Variants in GAREM1 observed in about 807,000 individuals in gnomAD.
The protein encoded by GAREM1 is GRB2 associated regulator of MAPK1 subtype 1.
In GAREM1, 26 loss-of-function variants were observed where a neutral mutation model predicts 71.3. That is an observed-to-expected ratio of 0.36 (90% CI 0.27 to 0.51). GAREM1 has a LOEUF of 0.51. GAREM1 is among the 20% of genes least tolerant of loss of function. The pLI is 0.95. For synonymous variants in GAREM1, 440 were observed against 433.2 expected (o/e 1.02, Z -0.20); for missense variants, 1,026 against 1,103.1 (o/e 0.93, Z 0.99).
intron 3 of GAREM1, among the ~76,000 whole-genome samples, chr18:32,306,890 C>T (rs1349226687): frequency 6.6e-6 from 1 of 152,222 alleles, no homozygotes; most frequent in African/African-American, 2.4e-5. Flanking sequence ...GAATTAAACA[C>T]TTAATGCATA....
chr18:32,395,580 C>A (rs1311881820), intron 1 of GAREM1, among the ~76,000 whole-genome samples: 3 of 152,114 alleles, frequency 2.0e-5, no homozygotes, highest in Non-Finnish European at 2.9e-5. Context: ...ATGCAAAAGG[C>A]AATGAGGGAA....
chr18:32,280,324 G>T (rs1326714506), intron 4 of GAREM1, among the ~76,000 whole-genome samples: 2 of 152,124 alleles, frequency 1.3e-5, no homozygotes, highest in Non-Finnish European at 2.9e-5. Context: ...GTCACGTGAG[G>T]CCCCTAATTC....
At chr18:32,397,478 A>C (rs1349050785) in intron 1 of GAREM1, among the ~76,000 whole-genome samples, 1 of 152,174 alleles carries the variant, frequency 6.6e-6, no homozygotes, top group Non-Finnish European at 1.5e-5. Flanking sequence ...CAAATGGAAA[A>C]CAAAAAAAGG....
At chr18:32,285,259 C>T (rs2047001551) in intron 4 of GAREM1, among the ~76,000 whole-genome samples, 1 of 152,206 alleles carries the variant, frequency 6.6e-6, no homozygotes, top group Admixed American at 6.5e-5. Flanking sequence ...TGCTGGGGAG[C>T]TCTCAAGCCC....
chr18:32,347,620 A>G (rs530096873), intron 2 of GAREM1, among the ~76,000 whole-genome samples: 9 of 152,350 alleles, frequency 5.9e-5, no homozygotes, highest in Non-Finnish European at 8.8e-5. Context: ...ATTAGGAAAT[A>G]TTTCTTGGAG....
At chr18:32,408,304 A>T (rs1282883160) in intron 1 of GAREM1, among the ~76,000 whole-genome samples, 1 of 152,180 alleles carries the variant, frequency 6.6e-6, no homozygotes, top group Non-Finnish European at 1.5e-5. Context: ...TCTATTTACA[A>T]AAAAGAGGTA....
chr18:32,417,579 G>A (rs1407247863), intron 1 of GAREM1, among the ~76,000 whole-genome samples: 1 of 152,152 alleles, frequency 6.6e-6, no homozygotes, highest in Non-Finnish European at 1.5e-5. Context: ...GAACATGGGT[G>A]GAACTGGAGG....
intron 1 of GAREM1, among the ~76,000 whole-genome samples, chr18:32,464,030 G>T (rs1182515726): frequency 6.8e-6 from 1 of 147,166 alleles, no homozygotes; most frequent in Non-Finnish European, 1.5e-5. Context: ...GCTCATGCCT[G>T]TAATCCCAGC....
chr18:32,376,472 A>T (rs2048031185), intron 2 of GAREM1, among the ~76,000 whole-genome samples: 1 of 152,218 alleles, frequency 6.6e-6, no homozygotes, highest in Admixed American at 6.5e-5. Flanking sequence ...AATCACATAA[A>T]CTGTAAATAT....
At chr18:32,378,257 T>C (rs1046342747) in intron 2 of GAREM1, among the ~76,000 whole-genome samples, 4 of 152,124 alleles carry the variant, frequency 2.6e-5, no homozygotes, top group Non-Finnish European at 5.9e-5. Flanking sequence ...CTTAGCACTT[T>C]GAGCGGCCAA....
Position 32,287,468 on chromosome 18 carries a change from C to A in GAREM1, c.1129G>T (p.Asp377Tyr). The change falls in exon 4 of 6, where the codon GAT (aspartate) becomes TAT (tyrosine). Residue 377 changes from aspartate to tyrosine, a missense_variant. Around this residue, in one of 3 missense-constraint regions of GAREM1, gnomAD observed 636 missense variants for 631.2 expected, o/e 1.01. Coordinates refer to ENST00000269209, the MANE Select transcript of GAREM1 (RefSeq NM_001242409.2). This position sits in a 1 kb window ranked among gnomAD's most constrained non-coding sequence, Gnocchi z 5.9. ...HVPNSLSYAR[D>Y]ELTQSFHRLS... ...CGGTGGAAGGACTGGGTGAGCTCAT[C>A]GCGGGCGTAGCTGAGCGAATTGGGC... 6.2e-7 allele frequency: 1 copy of A among 1,614,166 alleles called. No individual in the cohort carries two copies. Among genetic ancestry groups the A allele is most frequent in the Admixed American group, 1.7e-5 (1 of 60,022 alleles).
At chr18:32,426,947 C>T (rs894696408) in intron 1 of GAREM1, among the ~76,000 whole-genome samples, 43 of 152,140 alleles carry the variant, frequency 2.8e-4, no homozygotes, top group African/African-American at 9.9e-4. Flanking sequence ...ACTTTCCCTC[C>T]ATATATAGTC....
At chr18:32,322,006 A>T (rs1469709343) in intron 2 of GAREM1, among the ~76,000 whole-genome samples, 1 of 152,216 alleles carries the variant, frequency 6.6e-6, no homozygotes, top group Non-Finnish European at 1.5e-5. Context: ...AGATGTCACC[A>T]CCACTGGCCT....
intron 2 of GAREM1, among the ~76,000 whole-genome samples, chr18:32,368,908 C>CA (rs200438046): frequency 5.3e-5 from 8 of 150,068 alleles, no homozygotes; most frequent in South Asian, 2.1e-4. Context: ...TATAGTGAGC[C>CA]AAAAAAAAAT....
chr18:32,407,936 T>C (rs2048380152), intron 1 of GAREM1, among the ~76,000 whole-genome samples: 1 of 151,926 alleles, frequency 6.6e-6, no homozygotes, highest in South Asian at 2.1e-4. Flanking sequence ...AATCAAAATA[T>C]ATGAACTACT....
At chr18:32,423,410 A>G (rs950133585) in intron 1 of GAREM1, among the ~76,000 whole-genome samples, 1 of 152,208 alleles carries the variant, frequency 6.6e-6, no homozygotes, top group African/African-American at 2.4e-5. Flanking sequence ...AAAACTAGTC[A>G]CTACTTCATT....
At chr18:32,304,279 C>T (rs1441291064) in intron 3 of GAREM1, among the ~76,000 whole-genome samples, 2 of 151,742 alleles carry the variant, frequency 1.3e-5, no homozygotes, top group African/African-American at 4.8e-5. Context: ...TGCACTCCAG[C>T]CTGGGTGACA....
intron 1 of GAREM1, among the ~76,000 whole-genome samples, chr18:32,422,568 T>C (rs1007776490): frequency 6.6e-5 from 10 of 152,210 alleles, no homozygotes; most frequent in African/African-American, 2.4e-4. Context: ...ATGCTGTCAT[T>C]TTCCATTCTC....
intron 1 of GAREM1, chr18:32,412,216 A>G (rs2048426675): frequency 6.4e-7 from 1 of 1,569,368 alleles, no homozygotes; most frequent in Non-Finnish European, 8.7e-7. Context: ...TTTCCTAATT[A>G]AAATCTTCTG....
Sources: gnomAD v4.1 joint callset for allele counts (sites outside exome capture counted in the v4.1 genomes callset) on GRCh38, gnomAD v4.1.1 for gene constraint, gnomAD v4.1.1 regional missense constraint, Gnocchi (gnomAD v3.1) non-coding constraint, MANE v1.5 for transcripts, NCBI Gene and HGNC (gene_info 2026-07-23, HGNC 2026-07-21) for gene names.